NSUN6: variants seen among roughly 807,000 people sequenced by gnomAD.
The protein encoded by NSUN6 is tRNA (cytosine(72)-C(5))-methyltransferase NSUN6.
NSUN6 carries 64 observed loss-of-function variants against 58.0 expected under a neutral mutation model. The observed-to-expected ratio is 1.10, with a 90% confidence interval of 0.90 to 1.36. The LOEUF (loss-of-function observed/expected upper bound fraction) is 1.36. NSUN6 is among the 40% of genes most tolerant of loss of function. NSUN6 has a pLI of 0.00. For missense variants in NSUN6, 701 were observed against 550.1 expected, an observed-to-expected ratio of 1.27 and a Z score of -2.74; for synonymous variants, 231 against 193.9, an observed-to-expected ratio of 1.19 and a Z score of -1.59.
intron 3 of NSUN6, among the ~76,000 whole-genome samples, chr10:18,641,221 AAC>A (rs2059382585): frequency 6.6e-6 from 1 of 152,194 alleles, no homozygotes; most frequent in African/African-American, 2.4e-5. Flanking sequence ...TTGAAGTTTT[AAC>A]AAACTTCAAT....
intron 2 of NSUN6, among the ~76,000 whole-genome samples, chr10:18,647,313 CAAATAAGGCAG>C (rs976006308): frequency 6.6e-6 from 1 of 152,150 alleles, no homozygotes; most frequent in Non-Finnish European, 1.5e-5. Flanking sequence ...AACTCAGACA[CAAATAAGGCAG>C]AAATGAGTCT....
At chr10:18,589,568 A>T (rs1034718494) in intron 7 of NSUN6, among the ~76,000 whole-genome samples, 1 of 152,242 alleles carries the variant, frequency 6.6e-6, no homozygotes, top group Non-Finnish European at 1.5e-5. Flanking sequence ...TCTCTGCAGA[A>T]ACCCTACAAG....
At chr10:18,607,793 A>G (rs1485329973) in intron 6 of NSUN6, among the ~76,000 whole-genome samples, 1 of 152,230 alleles carries the variant, frequency 6.6e-6, no homozygotes, top group East Asian at 1.9e-4. Context: ...TGACTCTGCA[A>G]ATTTTTACCT....
intron 8 of NSUN6, among the ~76,000 whole-genome samples, chr10:18,560,022 G>A (rs945530828): frequency 2.0e-5 from 3 of 151,004 alleles, no homozygotes; most frequent in African/African-American, 4.9e-5. Flanking sequence ...AGAATGGAAT[G>A]GAATGGAGAT....
At chr10:18,586,544 C>A (rs1170633788) in intron 7 of NSUN6, among the ~76,000 whole-genome samples, 1 of 151,836 alleles carries the variant, frequency 6.6e-6, no homozygotes, top group African/African-American at 2.4e-5. Context: ...GGGAGTGAAG[C>A]GGCAGACCTT....
chr10:18,629,068 C>T (rs1167473822), intron 3 of NSUN6, among the ~76,000 whole-genome samples: 1 of 152,154 alleles, frequency 6.6e-6, no homozygotes, highest in Non-Finnish European at 1.5e-5. Context: ...GGCAGAAACT[C>T]TACAAGCCAG....
intron 2 of NSUN6, 105 bp downstream of exon 2, chr10:18,648,385 T>C: frequency 1.5e-6 from 1 of 673,820 alleles, no homozygotes; most frequent in East Asian, 2.6e-5. Context: ...AATCTCCTTA[T>C]CTGTAAAACT....
At chr10:18,557,564 T>C (rs768854821) in intron 8 of NSUN6, among the ~76,000 whole-genome samples, 50 of 145,344 alleles carry the variant, frequency 3.4e-4, no homozygotes, top group Non-Finnish European at 1.5e-4. Context: ...GAGAATGGAA[T>C]GGACAGTGGA....
intron 5 of NSUN6, 72 bp downstream of exon 5, chr10:18,614,388 T>G: frequency 3.2e-6 from 3 of 945,950 alleles, no homozygotes; most frequent in Non-Finnish European, 4.5e-6. Flanking sequence ...ACTAGATACA[T>G]TTTACATTAT....
intron 3 of NSUN6, among the ~76,000 whole-genome samples, chr10:18,624,028 G>A (rs1224630894): frequency 2.0e-5 from 3 of 151,914 alleles, no homozygotes; most frequent in Non-Finnish European, 4.4e-5. Context: ...TGCATTCATT[G>A]GTGGCACACA....
rs1564819281 is a variant in NSUN6 at position 18,625,725 on chromosome 10, A to ATTT, written c.312-9433_312-9432insAAA. 6.1e-5 allele frequency among the ~76,000 whole-genome samples: 9 copies of ATTT among 146,386 alleles called. No homozygotes were observed. The South Asian group carries it at 1.1e-3, about 18-fold the overall frequency. On this transcript the variant is annotated intron_variant, in intron 3 of 10. Transcript: ENST00000377304. ...GAGACTATGTGTTTTTTTTTTAAAA[A>ATTT]AAAAAAAAAAAAAAAAAAAAAAAGA... is the stretch of plus-strand genomic sequence containing the variant.
chr10:18,644,465 T>C (rs1169655169), intron 2 of NSUN6, among the ~76,000 whole-genome samples: 1 of 151,338 alleles, frequency 6.6e-6, no homozygotes, highest in Admixed American at 6.6e-5. Context: ...TTAGTTACCC[T>C]GAACACATTA....
chr10:18,649,982 G>A (rs189423302), intron 1 of NSUN6, among the ~76,000 whole-genome samples: 1 of 152,236 alleles, frequency 6.6e-6, no homozygotes. Context: ...ATTCAAAAAT[G>A]AGTAACATTT....
upstream of NSUN6, chr10:18,653,174 T>G: frequency 1.0e-6 from 1 of 984,886 alleles, no homozygotes; most frequent in South Asian, 4.7e-5. Context: ...AACTACATTT[T>G]AAACTCCACA....
chr10:18,579,500 C>T (rs1362357471), intron 8 of NSUN6, among the ~76,000 whole-genome samples: 5 of 152,154 alleles, frequency 3.3e-5, no homozygotes, highest in Admixed American at 3.3e-4. Flanking sequence ...CGCTTTTTCA[C>T]ATAATATATA....
intron 1 of NSUN6, among the ~76,000 whole-genome samples, 154 bp from the exon 2 acceptor site, chr10:18,648,799 A>G (rs1014270015): frequency 9.2e-5 from 14 of 152,250 alleles, no homozygotes; most frequent in Non-Finnish European, 1.2e-4. Flanking sequence ...CAACTAAGGA[A>G]ATAGTAATAC....
At position 18,586,036 on chromosome 10, in the gene NSUN6, C is replaced by G. The variant is rs769958880; in HGVS notation, c.835G>C (p.Ala279Pro). 2 of 1,610,548 alleles carry G rather than the reference C, an allele frequency of 1.2e-6. No homozygotes were observed. The highest frequency in any genetic ancestry group is 1.7e-6 in the Non-Finnish European group (2 of 1,178,474). The change falls in exon 8 of 11, where the codon GCC (alanine) becomes CCC (proline). Residue 279 changes from alanine to proline, a missense_variant. Ala to Pro is a conservative substitution (Grantham distance 27). Coordinates refer to ENST00000377304, the MANE Select transcript of NSUN6 (RefSeq NM_182543.5). ...ATGGAATTCAGCCCTAACAATAAGGCATTCTGTTTGATTTTTTCTACTTTG... is the reference window on the plus strand; with the variant it reads ...ATGGAATTCAGCCCTAACAATAAGGGATTCTGTTTGATTTTTTCTACTTTG... The part of the protein sequence containing the change: ...FNKVEKIKQN[A>P]LLLGLNSIRA...
At chr10:18,638,110 A>C (rs1379550314) in intron 3 of NSUN6, among the ~76,000 whole-genome samples, 1 of 152,200 alleles carries the variant, frequency 6.6e-6, no homozygotes, top group Non-Finnish European at 1.5e-5. Context: ...AACTAAATAA[A>C]ACTAAAGAAT....
chr10:18,655,849 T>A (rs1179945400), upstream of NSUN6, among the ~76,000 whole-genome samples: 2 of 152,220 alleles, frequency 1.3e-5, no homozygotes, highest in Non-Finnish European at 2.9e-5. Flanking sequence ...AAGGAGCATT[T>A]ATCAAATGTA....
Sources: allele counts gnomAD v4.1 joint callset (sites outside exome capture counted in the v4.1 genomes callset), GRCh38; gene constraint gnomAD v4.1.1; transcripts MANE v1.5; gene names NCBI Gene and HGNC (gene_info 2026-07-23, HGNC 2026-07-21).